The following NRG1 variants were observed in gnomAD, a reference collection of about 807,000 sequenced individuals.
NRG1 encodes neuregulin 1.
NRG1 carries 18 observed loss-of-function variants against 63.8 expected under a neutral mutation model. The observed-to-expected ratio is 0.28, with a 90% CI of 0.19 to 0.42. The LOEUF (loss-of-function observed/expected upper bound fraction) is 0.42. NRG1 is among the 10% of genes least tolerant of loss of function. The probability of loss-of-function intolerance (pLI) is 1.00; values close to 1 mark genes in which losing one functional copy is unlikely to be tolerated. For synonymous variants in NRG1, 302 were observed against 301.3 expected (o/e 1.00, Z -0.02); for missense variants, 762 against 814.7 (o/e 0.94, Z 0.79).
intron 1 of NRG1, among the ~76,000 whole-genome samples, chr8:32,231,774 C>T (rs936742020): frequency 7.3e-5 from 11 of 151,520 alleles, no homozygotes; most frequent in African/African-American, 2.7e-4. Flanking sequence ...TGGTGGCATG[C>T]GCCTGCAGTC....
chr8:31,721,775 CTTTG>C (rs757545636), intron 1 of NRG1, among the ~76,000 whole-genome samples: 1 of 152,182 alleles, frequency 6.6e-6, no homozygotes, highest in East Asian at 1.9e-4. Context: ...TTGACCTTTT[CTTTG>C]TTTGCTATGT....
Position 32,592,084 on chromosome 8 carries a change from A to G in NRG1, c.101-3744A>G, listed in dbSNP as rs189843820. Among the ~76,000 whole-genome samples, 40 of 151,140 alleles carry G rather than the reference A, an allele frequency of 2.6e-4. No individual in the cohort carries two copies. In the East Asian group the frequency reaches 6.0e-3, roughly 23 times the overall value. ...GATCAGATGAGAAAGGCAGAAAATC[A>G]GAGACAGACCAAGGCTCCCGGTTTT... On this transcript the variant is annotated intron_variant, in intron 1 of 11. Coordinates refer to ENST00000356819, the Ensembl canonical transcript of NRG1.
intron 1 of NRG1, among the ~76,000 whole-genome samples, chr8:32,299,344 A>G (rs1039421486): frequency 1.3e-5 from 2 of 152,178 alleles, no homozygotes; most frequent in Admixed American, 6.5e-5. Flanking sequence ...CTAAAGATAA[A>G]TTTGATACCT....
rs140346590 is a variant in NRG1 at position 32,411,932 on chromosome 8, G to A, written c.38-183896G>A. On this transcript the variant is annotated intron_variant, in intron 1 of 10. Transcript: ENST00000519301. Reference sequence around the variant, plus strand: ...GGGACCATGCGTACTCTGATAGTCAGTGTTATGTATGAACTTGACCAAGCC... The same window carrying A: ...GGGACCATGCGTACTCTGATAGTCAATGTTATGTATGAACTTGACCAAGCC... 2.0e-3 allele frequency among the ~76,000 whole-genome samples: 311 copies of A among 152,302 alleles called. 1 individual carries two copies. Among genetic ancestry groups the A allele is most frequent in the Non-Finnish European group, 3.7e-3 (251 of 68,032 alleles).
intron 1 of NRG1, among the ~76,000 whole-genome samples, chr8:32,535,578 G>A (rs547087518): frequency 6.6e-6 from 1 of 152,114 alleles, no homozygotes; most frequent in Non-Finnish European, 1.5e-5. Context: ...AAACCTCCTT[G>A]GTGTCCATTC....
At chr8:32,655,183 A>G (rs929754679) in intron 5 of NRG1, among the ~76,000 whole-genome samples, 20 of 152,206 alleles carry the variant, frequency 1.3e-4, no homozygotes, top group African/African-American at 4.6e-4. Context: ...TTCTCCTTTG[A>G]TCTTGACAGT....
intron 1 of NRG1, among the ~76,000 whole-genome samples, chr8:32,230,010 C>A (rs149625868): frequency 1.5e-3 from 230 of 152,186 alleles, no homozygotes; most frequent in African/African-American, 5.2e-3. Context: ...AAGCCAAACA[C>A]GCGCCTAAAA....
chr8:32,142,560 G>A (rs950746804), intron 1 of NRG1, among the ~76,000 whole-genome samples: 1 of 152,150 alleles, frequency 6.6e-6, no homozygotes, highest in African/African-American at 2.4e-5. Flanking sequence ...TTCTAGCTGA[G>A]GTATGCCAGC....
chr8:32,703,689 C>T (rs1216630746), intron 5 of NRG1, among the ~76,000 whole-genome samples: 1 of 152,086 alleles, frequency 6.6e-6, no homozygotes, highest in African/African-American at 2.4e-5. Flanking sequence ...CTGTTTAGAA[C>T]TAAGACAGGA....
chr8:32,048,979 G>A (rs906321125), intron 1 of NRG1, among the ~76,000 whole-genome samples: 8 of 151,956 alleles, frequency 5.3e-5, no homozygotes, highest in African/African-American at 1.9e-4. Flanking sequence ...GCATTCTGTG[G>A]CTCCATGGTG....
chr8:32,199,774 C>G (rs1843315314), intron 1 of NRG1, among the ~76,000 whole-genome samples: 1 of 151,914 alleles, frequency 6.6e-6, no homozygotes, highest in African/African-American at 2.4e-5. Context: ...TTAAAATTCT[C>G]TCATTGTTTT....
intron 1 of NRG1, among the ~76,000 whole-genome samples, chr8:31,942,552 C>T (rs1055813862): frequency 2.0e-5 from 3 of 152,076 alleles, no homozygotes; most frequent in Middle Eastern, 3.4e-3. Flanking sequence ...ACTAATGAAA[C>T]TAAAAAGTTT....
intron 1 of NRG1, chr8:31,639,900 T>C: frequency 7.4e-6 from 8 of 1,085,766 alleles, no homozygotes; most frequent in Non-Finnish European, 8.9e-6. Context: ...GGAGTGGTGC[T>C]GCGAGGGGAA....
At chr8:31,878,981 C>G (rs55866195) in intron 1 of NRG1, among the ~76,000 whole-genome samples, 46,698 of 151,430 alleles carry the variant, frequency 0.31, 8,274 homozygotes, top group East Asian at 0.74. Flanking sequence ...GCCTGGGCGA[C>G]AGAGCAAGAC....
intron 5 of NRG1, among the ~76,000 whole-genome samples, chr8:32,679,777 G>A (rs1314845604): frequency 6.6e-6 from 1 of 152,140 alleles, no homozygotes; most frequent in Admixed American, 6.5e-5. Context: ...TCACCTGAAA[G>A]CAAAATAATG....
At chr8:32,164,758 T>C in intron 1 of NRG1, among the ~76,000 whole-genome samples, 1 of 152,228 alleles carries the variant, frequency 6.6e-6, no homozygotes, top group East Asian at 1.9e-4. Context: ...AGATGGGATA[T>C]GAATATCAAC....
intron 1 of NRG1, among the ~76,000 whole-genome samples, chr8:31,758,577 A>C (rs1046191492): frequency 1.3e-5 from 2 of 152,066 alleles, no homozygotes; most frequent in African/African-American, 4.8e-5. Flanking sequence ...GACATGGATG[A>C]AGTGCCTGGA....
exon 12 of NRG1, chr8:32,766,710 G>A (rs957619107): frequency 2.6e-5 from 4 of 152,144 alleles, no homozygotes; most frequent in African/African-American, 7.2e-5. Flanking sequence ...TATGAAAATT[G>A]AAGACAAGAG....
At chr8:32,497,724 G>A (rs1376862715) in intron 1 of NRG1, among the ~76,000 whole-genome samples, 1 of 152,100 alleles carries the variant, frequency 6.6e-6, no homozygotes, top group Non-Finnish European at 1.5e-5. Flanking sequence ...TGTTGGAAAG[G>A]AAAAACTTTT....
Sources: allele counts gnomAD v4.1 joint callset (sites outside exome capture counted in the v4.1 genomes callset), GRCh38; gene constraint gnomAD v4.1.1; transcripts MANE v1.5; gene names NCBI Gene and HGNC (gene_info 2026-07-23, HGNC 2026-07-21).